Variants in ZNF708 observed in about 807,000 individuals in gnomAD.
ZNF708 encodes zinc finger protein 708.
A neutral mutation model predicts 47.0 loss-of-function variants in ZNF708; 44 were observed. That is an observed-to-expected ratio of 0.94 (90% CI 0.74 to 1.20). The LOEUF is 1.20. Ranked by LOEUF, ZNF708 falls within the 50% of genes most tolerant of loss-of-function variation. The pLI, the probability that ZNF708 is intolerant of heterozygous loss-of-function variation, is 0.00. For missense variants in ZNF708, 557 were observed against 656.0 expected (o/e 0.85, Z 1.65); for synonymous variants, 184 against 218.5 (o/e 0.84, Z 1.39).
intron 1 of ZNF708, among the ~76,000 whole-genome samples, chr19:21,315,644 G>C (rs926234602): frequency 7.9e-5 from 12 of 152,262 alleles, no homozygotes; most frequent in African/African-American, 2.6e-4. Context: ...AATTGGATTG[G>C]AAAGACAAAA....
Position 21,316,004 on chromosome 19 carries a change from G to T in ZNF708, c.4-5377C>A, listed in dbSNP as rs961493693. Reference sequence around the variant, plus strand: ...GAATCACCTGAACCTGGGAGGCGGAGATTGCAGTGAGCCGAGTTCGTGCCA... The same window carrying T: ...GAATCACCTGAACCTGGGAGGCGGATATTGCAGTGAGCCGAGTTCGTGCCA... On this transcript the variant is annotated intron_variant, in intron 1 of 3. Coordinates refer to ENST00000356929, the MANE Select transcript of ZNF708 (RefSeq NM_021269.3). Among the ~76,000 whole-genome samples, 8 of 146,432 alleles carry T rather than the reference G, an allele frequency of 5.5e-5. 1 individual carries two copies. In the East Asian group the frequency reaches 8.3e-4, roughly 15 times the overall value.
chr19:21,316,527 T>C (rs1289037613), intron 1 of ZNF708, among the ~76,000 whole-genome samples: 1 of 152,188 alleles, frequency 6.6e-6, no homozygotes, highest in Non-Finnish European at 1.5e-5. Context: ...ACTTGCACAT[T>C]TGTGGACATT....
At chr19:21,312,156 G>A (rs1047636436) in intron 1 of ZNF708, among the ~76,000 whole-genome samples, 2 of 152,032 alleles carry the variant, frequency 1.3e-5, no homozygotes, top group African/African-American at 4.8e-5. Context: ...TTAGCTGGGC[G>A]TGGTGGAACG....
At chr19:21,320,938 G>A (rs984757417) in intron 1 of ZNF708, among the ~76,000 whole-genome samples, 3 of 151,784 alleles carry the variant, frequency 2.0e-5, no homozygotes, top group Non-Finnish European at 4.4e-5. Flanking sequence ...TCAGGAGATC[G>A]AGACCATCCC....
chr19:21,323,589 C>A (rs1973196269), intron 1 of ZNF708, among the ~76,000 whole-genome samples: 1 of 152,172 alleles, frequency 6.6e-6, no homozygotes, highest in African/African-American at 2.4e-5. Context: ...TGCAATATTT[C>A]TTTGGAAGTC....
In ZNF708 at chr19:21,324,854, C is replaced by G. The variant is rs192654549; in HGVS notation, c.3+4356G>C. ...AGATATTCACTGTCACAAATTTACC[C>G]TGCAAAAAGAGGAGCTGATGCTTTC... is the stretch of plus-strand genomic sequence containing the variant. On this transcript the variant is annotated intron_variant, in intron 1 of 3. Coordinates refer to ENST00000356929, the MANE Select transcript of ZNF708 (RefSeq NM_021269.3). 2.7e-3 allele frequency among the ~76,000 whole-genome samples: 411 copies of G among 152,222 alleles called. 4 individuals carry two copies. Among genetic ancestry groups the G allele is most frequent in the African/African-American group, 9.5e-3 (395 of 41,554 alleles).
At chr19:21,296,981 A>C (rs635730) in intron 3 of ZNF708, among the ~76,000 whole-genome samples, 28,711 of 150,770 alleles carry the variant, frequency 0.19, 3,024 homozygotes, top group Non-Finnish European at 0.24. Context: ...AAATATATAA[A>C]AATTAGCTGG....
Position 21,329,307 on chromosome 19 carries a change from G to A in ZNF708, c.-95C>T. The A allele has an allele frequency of 2.6e-6, 4 of 1,566,960 alleles. No homozygotes were observed. Among genetic ancestry groups the A allele is most frequent in the Admixed American group, 1.7e-5 (1 of 59,096 alleles). On this transcript the variant is annotated 5_prime_UTR_variant, in exon 1 of 4. Coordinates refer to ENST00000356929, the MANE Select transcript of ZNF708 (RefSeq NM_021269.3). ...AGAGTCTGGGCCTCTAGGAGCAGAG[G>A]ACAAACAGCAGTGAAGACGAGACCG...
rs1244961070 is a variant in ZNF708, at chr19:21,294,383, G to A, written c.583C>T (p.Pro195Ser). 1 of 1,614,012 alleles carries A rather than the reference G, an allele frequency of 6.2e-7. No homozygotes were observed. The highest frequency in any genetic ancestry group is 1.7e-5 in the Admixed American group (1 of 60,014). The change falls in exon 4 of 4, where the codon CCC becomes TCC. Residue 195 changes from proline (P) to serine (S), a missense_variant. Transcript: ENST00000356929. The stretch of plus-strand genomic sequence containing the variant: ...TTGCCACATTCTTCACATTTGTAGG[G>A]TTTTTCTCCAGTATGAATTATCTCA... ...QHEIIHTGEKPYKCEECGKAF... is the reference protein window; with the variant it reads ...QHEIIHTGEKSYKCEECGKAF...
chr19:21,321,719 G>GGAAA lies in ZNF708; in HGVS notation c.3+7490_3+7491insTTTC, dbSNP rs1973146149. Among the ~76,000 whole-genome samples, 56 of 142,770 alleles carry GGAAA rather than the reference G, an allele frequency of 3.9e-4. 1 individual carries two copies. Among genetic ancestry groups the GGAAA allele is most frequent in the South Asian group, 2.5e-3 (11 of 4,382 alleles). 93.7% of individuals were successfully genotyped at this position (142,770 alleles called of 152,430 possible). On this transcript the variant is annotated intron_variant, in intron 1 of 3. Transcript: ENST00000356929. The stretch of plus-strand genomic sequence containing the variant: ...AGAAAGAAAGAAAGGAAGGAAGGAA[G>GGAAA]GAAGAAAGAAAGGGAAAAGGAAAAG...
At chr19:21,319,438 C>T (rs796821783) in intron 1 of ZNF708, among the ~76,000 whole-genome samples, 1 of 137,228 alleles carries the variant, frequency 7.3e-6, no homozygotes, top group South Asian at 2.5e-4. Context: ...TTTGTGTGTG[C>T]TCCTAATATG....
chr19:21,322,096 T>C (rs1280848364), intron 1 of ZNF708, among the ~76,000 whole-genome samples: 3 of 152,104 alleles, frequency 2.0e-5, no homozygotes, highest in African/African-American at 4.8e-5. Flanking sequence ...AGGAGACTTG[T>C]AGACATGTTT....
chr19:21,329,186 C>A (rs773610393), intron 1 of ZNF708, 24 bp downstream of exon 1: 2 of 1,611,906 alleles, frequency 1.2e-6, no homozygotes, highest in Admixed American at 3.3e-5. Context: ...TCCCCTCTCT[C>A]GGGATGTCGG....
At chr19:21,295,619 C>A (rs1972512811) in intron 3 of ZNF708, among the ~76,000 whole-genome samples, 1 of 152,118 alleles carries the variant, frequency 6.6e-6, no homozygotes, top group Non-Finnish European at 1.5e-5. Context: ...GTGGCACATG[C>A]CTGTAATCCC....
chr19:21,324,440 G>A (rs1294983643), intron 1 of ZNF708, among the ~76,000 whole-genome samples: 1 of 151,972 alleles, frequency 6.6e-6, no homozygotes, highest in Non-Finnish European at 1.5e-5. Flanking sequence ...GGTGGTGCAT[G>A]CCTGTAATCC....
intron 3 of ZNF708, 55 bp downstream of exon 3, chr19:21,309,191 T>C: frequency 6.9e-7 from 1 of 1,456,862 alleles, no homozygotes; most frequent in Non-Finnish European, 9.3e-7. Context: ...ACTGGTTTTC[T>C]CTTTTACCTT....
intron 3 of ZNF708, among the ~76,000 whole-genome samples, 176 bp downstream of exon 3, chr19:21,309,070 T>C (rs933329152): frequency 6.6e-6 from 1 of 152,158 alleles, no homozygotes; most frequent in Non-Finnish European, 1.5e-5. Context: ...AAAGTAGAAT[T>C]TTTAAAGAAT....
Position 21,291,225 on chromosome 19 carries a change from T to G in ZNF708, c.*2049A>C, listed in dbSNP as rs1254520310. 2.2e-5 allele frequency: 3 copies of G among 135,060 alleles called. No individual in the cohort carries two copies. The highest frequency in any genetic ancestry group is 8.2e-5 in the African/African-American group (3 of 36,790). The allele number at this position is 135,060 out of a possible 1,614,324, so 8.4% of individuals were successfully genotyped here. ...ACAAATAGTAAAATAACGTACTAAT[T>G]TTTTAATTTTAACAAAACTTAAATG... On this transcript the variant is annotated 3_prime_UTR_variant, in exon 4 of 4. Transcript: ENST00000356929.
chr19:21,318,849 T>C (rs1973068618), intron 1 of ZNF708: 1 of 152,188 alleles, frequency 6.6e-6, no homozygotes, highest in Non-Finnish European at 1.5e-5. Context: ...ATGGCAGCAT[T>C]CCAATTTAGT....
Sources: allele counts gnomAD v4.1 joint callset (sites outside exome capture counted in the v4.1 genomes callset), GRCh38; gene constraint gnomAD v4.1.1; transcripts MANE v1.5; gene names NCBI Gene and HGNC (gene_info 2026-07-23, HGNC 2026-07-21).